Variants in GABRB1 observed in about 807,000 individuals in gnomAD.
The protein encoded by GABRB1 is gamma-aminobutyric acid receptor subunit beta-1.
GABRB1 carries 17 observed loss-of-function variants against 51.6 expected under a neutral mutation model. That is an observed-to-expected ratio of 0.33 (90% CI 0.23 to 0.49). The LOEUF (loss-of-function observed/expected upper bound fraction) is 0.49. GABRB1 is among the 20% of genes least tolerant of loss of function. The probability of loss-of-function intolerance (pLI) is 0.99; values close to 1 mark genes in which losing one functional copy is unlikely to be tolerated. For missense variants in GABRB1, 410 were observed against 600.6 expected, an observed-to-expected ratio of 0.68 and a Z score of 3.32; for synonymous variants, 247 against 218.9, an observed-to-expected ratio of 1.13 and a Z score of -1.14.
At chr4:47,009,988 C>T in intron 1 of GABRB1, among the ~76,000 whole-genome samples, 1 of 152,210 alleles carries the variant, frequency 6.6e-6, no homozygotes, top group East Asian at 1.9e-4. Context: ...ACAAGACATT[C>T]GGATGAGCTG....
intron 5 of GABRB1, among the ~76,000 whole-genome samples, chr4:47,330,793 A>G (rs1268823124): frequency 6.6e-6 from 1 of 152,144 alleles, no homozygotes; most frequent in African/African-American, 2.4e-5. Context: ...AGTGATCCTG[A>G]TTTATAAAGG....
chr4:47,228,718 G>A (rs73247680), intron 4 of GABRB1, among the ~76,000 whole-genome samples: 17,671 of 151,994 alleles, frequency 0.12, 1,271 homozygotes, highest in Non-Finnish European at 0.15. Context: ...GTGGCAACAG[G>A]GGCCTCAGCT....
At chr4:47,213,042 T>G (rs1720425388) in intron 4 of GABRB1, among the ~76,000 whole-genome samples, 1 of 152,160 alleles carries the variant, frequency 6.6e-6, no homozygotes, top group Non-Finnish European at 1.5e-5. Flanking sequence ...CATTATTTGC[T>G]GCTTTCACTC....
At chr4:47,121,707 G>T (rs1238762640) in intron 3 of GABRB1, among the ~76,000 whole-genome samples, 2 of 152,136 alleles carry the variant, frequency 1.3e-5, no homozygotes, top group African/African-American at 2.4e-5. Flanking sequence ...CCACCTCAAA[G>T]AATGAATATG....
chr4:47,300,173 C>G (rs1205193641), intron 4 of GABRB1, among the ~76,000 whole-genome samples: 3 of 151,800 alleles, frequency 2.0e-5, no homozygotes, highest in Non-Finnish European at 4.4e-5. Context: ...CACACTAGCA[C>G]AGCACATGTA....
At chr4:47,085,400 A>AAAC (rs1728017560) in intron 3 of GABRB1, among the ~76,000 whole-genome samples, 1 of 152,234 alleles carries the variant, frequency 6.6e-6, no homozygotes, top group Non-Finnish European at 1.5e-5. Flanking sequence ...AAACAAGTGG[A>AAAC]AACAAGATTT....
At chr4:47,249,768 A>G (rs1325629871) in intron 4 of GABRB1, among the ~76,000 whole-genome samples, 2 of 152,092 alleles carry the variant, frequency 1.3e-5, no homozygotes, top group Admixed American at 6.5e-5. Flanking sequence ...TTCGGTGTCC[A>G]TTTGCATGAA....
At chr4:47,083,710 C>T (rs981233677) in intron 3 of GABRB1, among the ~76,000 whole-genome samples, 1 of 152,160 alleles carries the variant, frequency 6.6e-6, no homozygotes, top group African/African-American at 2.4e-5. Flanking sequence ...ACCTAGCTTG[C>T]CTCTCCTTTG....
intron 4 of GABRB1, among the ~76,000 whole-genome samples, chr4:47,287,872 C>G (rs187433284): frequency 1.3e-5 from 2 of 152,164 alleles, no homozygotes; most frequent in Non-Finnish European, 2.9e-5. Flanking sequence ...AGATTCTCAG[C>G]TCAACAGCAT....
chr4:47,378,799 T>A (rs978108948), intron 5 of GABRB1, among the ~76,000 whole-genome samples: 27 of 152,094 alleles, frequency 1.8e-4, no homozygotes, highest in Non-Finnish European at 3.5e-4. Context: ...GTTTTTTTTT[T>A]AATTAAATTA....
At chr4:47,210,008 G>A (rs573337504) in intron 4 of GABRB1, among the ~76,000 whole-genome samples, 8 of 152,080 alleles carry the variant, frequency 5.3e-5, no homozygotes, top group South Asian at 2.1e-4. Context: ...ATTTCCTGCC[G>A]TCAGGATGAC....
chr4:47,371,695 T>A (rs1256921734), intron 5 of GABRB1, among the ~76,000 whole-genome samples: 1 of 152,230 alleles, frequency 6.6e-6, no homozygotes. Context: ...TCCGTGATGT[T>A]GAGCTTTTTT....
intron 4 of GABRB1, among the ~76,000 whole-genome samples, chr4:47,208,894 G>C (rs1258260554): frequency 6.6e-6 from 1 of 152,082 alleles, no homozygotes; most frequent in Admixed American, 6.6e-5. Context: ...GGTACTATCA[G>C]TGTTAAAAGC....
chr4:47,156,659 T>TA (rs11404833), intron 3 of GABRB1, among the ~76,000 whole-genome samples: 26,182 of 151,652 alleles, frequency 0.17, 3,320 homozygotes, highest in African/African-American at 0.35. Flanking sequence ...CTCTAGATTT[T>TA]AAAAAAAACA....
intron 8 of GABRB1, among the ~76,000 whole-genome samples, chr4:47,408,875 G>A (rs186604963): frequency 9.8e-5 from 15 of 152,320 alleles, no homozygotes; most frequent in Admixed American, 9.8e-4. Flanking sequence ...CCCAAAAAAG[G>A]TGGAATAGGT....
intron 3 of GABRB1, among the ~76,000 whole-genome samples, chr4:47,146,354 T>C (rs902028360): frequency 2.0e-5 from 3 of 151,932 alleles, no homozygotes; most frequent in Non-Finnish European, 4.4e-5. Context: ...TGATAATGCG[T>C]CTTTGTAGAG....
At chr4:47,008,129 T>A (rs1389215200) in intron 1 of GABRB1, among the ~76,000 whole-genome samples, 1 of 152,048 alleles carries the variant, frequency 6.6e-6, no homozygotes, top group East Asian at 1.9e-4. Flanking sequence ...ATGGACATTG[T>A]TGGTATTTGT....
rs919864871 is a variant in GABRB1 at position 47,412,551 on chromosome 4, G to A, written c.1080+5625G>A. Among the ~76,000 whole-genome samples, 4 of 152,100 alleles carry A rather than the reference G, an allele frequency of 2.6e-5. No homozygotes were observed. In the South Asian group the frequency reaches 8.3e-4, roughly 31 times the overall value. ...ATCACTGTGCCATATAGCATTACATGTAATCTTTAAAGGAGCATTATGGCT... is the reference window on the plus strand; with the variant it reads ...ATCACTGTGCCATATAGCATTACATATAATCTTTAAAGGAGCATTATGGCT... On this transcript the variant is annotated intron_variant, in intron 8 of 8. Transcript: ENST00000295454.
intron 4 of GABRB1, among the ~76,000 whole-genome samples, chr4:47,272,339 A>C (rs1722905314): frequency 6.6e-6 from 1 of 152,220 alleles, no homozygotes; most frequent in Admixed American, 6.5e-5. Flanking sequence ...TCTTTAAAAA[A>C]ATGTAGTCTA....
Sources: allele counts gnomAD v4.1 joint callset (sites outside exome capture counted in the v4.1 genomes callset), GRCh38; gene constraint gnomAD v4.1.1; transcripts MANE v1.5; gene names NCBI Gene and HGNC (gene_info 2026-07-23, HGNC 2026-07-21).